The following RP1 variants were observed in gnomAD, a reference collection of about 807,000 sequenced individuals.
RP1 encodes oxygen-regulated protein 1.
A neutral mutation model predicts 14.8 loss-of-function variants in RP1; 16 were observed. The observed-to-expected ratio is 1.08, with a 90% CI of 0.73 to 1.65. The LOEUF is 1.65. Among genes scored for constraint, RP1 ranks in the 40% most tolerant of loss-of-function variants. The pLI is 0.00. For missense variants in RP1, 2,631 were observed against 2,535.0 expected, an observed-to-expected ratio of 1.04 and a Z score of -0.81; for synonymous variants, 876 against 883.6, an observed-to-expected ratio of 0.99 and a Z score of 0.15.
At chr8:54,698,814 C>T (rs992876283) in intron 12 of RP1, among the ~76,000 whole-genome samples, 38 of 152,168 alleles carry the variant, frequency 2.5e-4, no homozygotes, top group African/African-American at 8.9e-4. Flanking sequence ...CTCATGTTTT[C>T]ACTCATAAGT....
rs368434641 is a variant in RP1, at chr8:54,844,004, G to A, written c.3835+6335G>A. On this transcript the variant is annotated intron_variant, in intron 25 of 28. Coordinates refer to the RP1 transcript ENST00000637698. ...CCCATGTTGACTAACAATATTGTGT[G>A]CTCTGTGATAAGGCTGAGGGCATCA... Among the ~76,000 whole-genome samples, 6 of 152,346 alleles carry A rather than the reference G, an allele frequency of 3.9e-5. No homozygotes were observed. In the South Asian group the frequency reaches 8.3e-4, roughly 21 times the overall value.
intron 25 of RP1, among the ~76,000 whole-genome samples, chr8:54,845,751 C>A (rs1811903482): frequency 6.6e-6 from 1 of 152,196 alleles, no homozygotes; most frequent in Non-Finnish European, 1.5e-5. Context: ...ATTATCACTT[C>A]CTATTACTGA....
At chr8:54,801,150 G>T (rs1177293378) in intron 24 of RP1, among the ~76,000 whole-genome samples, 1 of 152,100 alleles carries the variant, frequency 6.6e-6, no homozygotes, top group Non-Finnish European at 1.5e-5. Flanking sequence ...AGTCTAATTT[G>T]CCAGAGAGTG....
intron 3 of RP1, among the ~76,000 whole-genome samples, chr8:54,647,503 G>A (rs1806573840): frequency 6.6e-6 from 1 of 151,938 alleles, no homozygotes; most frequent in South Asian, 2.1e-4. Flanking sequence ...CTAGCCTTTG[G>A]TTATTTATTT....
chr8:54,782,399 G>A (rs543865202), intron 23 of RP1, among the ~76,000 whole-genome samples: 1 of 152,142 alleles, frequency 6.6e-6, no homozygotes, highest in Non-Finnish European at 1.5e-5. Flanking sequence ...GTGGTGGGTG[G>A]GGAGTAGCAT....
chr8:54,602,227 C>T (rs1410459552), intron 1 of RP1, among the ~76,000 whole-genome samples: 1 of 152,170 alleles, frequency 6.6e-6, no homozygotes, highest in Non-Finnish European at 1.5e-5. Flanking sequence ...TGATGTTCCC[C>T]TTTCTGTGTC....
Position 54,656,182 on chromosome 8 carries a change from C to A in RP1, c.1138C>A (p.Pro380Thr), listed in dbSNP as rs751446958. 8 of 1,535,582 alleles carry A rather than the reference C, an allele frequency of 5.2e-6. No homozygotes were observed. In the South Asian group the frequency reaches 9.5e-5, roughly 18 times the overall value. The change falls in exon 6 of 23, where the codon CCT becomes ACT. Residue 380 changes from proline (P) to threonine (T), a missense_variant. Physicochemically the swap from Pro to Thr is conservative, Grantham distance 38. Transcript: ENST00000636932. ...GGATGGGGAAATCTGTCGAGAATTT[C>A]CTCTTTTAAGTAAAGGACAACCTGT...
intron 1 of RP1, among the ~76,000 whole-genome samples, chr8:54,587,425 C>CAAAA (rs568598595): frequency 1.1e-5 from 1 of 95,010 alleles, no homozygotes. Context: ...GACCCTGTCT[C>CAAAA]AAAAAAAAAA....
At position 54,626,854 on chromosome 8, in the gene RP1, A is replaced by G. The variant is rs202057087; in HGVS notation, c.2972A>G (p.Asp991Gly). The change falls in exon 4 of 4, where the codon GAT (aspartate) becomes GGT (glycine). Residue 991 changes from aspartate to glycine, a missense_variant. By Grantham distance (94) the Asp-to-Gly change is moderately conservative (BLOSUM62 -1). Coordinates refer to ENST00000220676, the MANE Select transcript of RP1 (RefSeq NM_006269.2). ...LTGDNLCKEG[D>G]KSFIANDTGE... ...GGAGATAATCTATGTAAAGAGGGAG[A>G]TAAGTCTTTTATTGCCAATGACACT... is the stretch of plus-strand genomic sequence containing the variant. 9.5e-5 allele frequency: 153 copies of G among 1,613,716 alleles called. No homozygotes were observed. The highest frequency in any genetic ancestry group is 1.2e-4 in the Non-Finnish European group (145 of 1,179,964).
At chr8:54,659,357 A>G (rs571322579) in intron 6 of RP1, among the ~76,000 whole-genome samples, 4 of 152,216 alleles carry the variant, frequency 2.6e-5, no homozygotes, top group East Asian at 3.9e-4. Context: ...ATGTATTTAG[A>G]TTTTTATGGT....
chr8:54,814,494 A>T (rs149541472), intron 24 of RP1, among the ~76,000 whole-genome samples: 1 of 152,332 alleles, frequency 6.6e-6, no homozygotes, highest in African/African-American at 2.4e-5. Flanking sequence ...AATCATTGGA[A>T]CATATAAAAT....
At position 54,630,066 on chromosome 8, in the gene RP1, T is replaced by C; in HGVS notation, c.6184T>C (p.Phe2062Leu). 1 of 1,613,986 alleles carries C rather than the reference T, an allele frequency of 6.2e-7. No individual in the cohort carries two copies. The highest frequency in any genetic ancestry group is 8.5e-7 in the Non-Finnish European group (1 of 1,179,940). Residue 2062 changes from phenylalanine to leucine, a missense_variant, in exon 4 of 4, where the codon TTT becomes CTT. Phe to Leu is a conservative substitution (Grantham distance 22, BLOSUM62 0). Coordinates refer to ENST00000220676, the MANE Select transcript of RP1 (RefSeq NM_006269.2). ...CCTCAGCGGTCAGACAAATGAAATCTTTAAAGCAGTCGATGAGAATAACAA... is the reference window on the plus strand; with the variant it reads ...CCTCAGCGGTCAGACAAATGAAATCCTTAAAGCAGTCGATGAGAATAACAA... ...QDLSGQTNEI[F>L]KAVDENNNLL... is the part of the protein sequence containing the mutation.
chr8:54,615,211 C>G (rs1182572899), upstream of RP1, among the ~76,000 whole-genome samples: 1 of 152,188 alleles, frequency 6.6e-6, no homozygotes, highest in African/African-American at 2.4e-5. Flanking sequence ...CCATTTCTCT[C>G]TCATAGGTGG....
intron 24 of RP1, among the ~76,000 whole-genome samples, chr8:54,827,073 T>A (rs1406484016): frequency 6.6e-6 from 1 of 152,138 alleles, no homozygotes; most frequent in Non-Finnish European, 1.5e-5. Context: ...GCACTTACCA[T>A]AAATGGAGCT....
chr8:54,865,742 A>C (rs765744652), intron 27 of RP1: 1 of 446,924 alleles, frequency 2.2e-6, no homozygotes, highest in Non-Finnish European at 3.7e-6. Flanking sequence ...TGTGTACTTA[A>C]AAAGGAACAT....
At chr8:54,801,269 C>A (rs910669050) in intron 24 of RP1, among the ~76,000 whole-genome samples, 14 of 152,310 alleles carry the variant, frequency 9.2e-5, no homozygotes, top group East Asian at 3.9e-4. Flanking sequence ...TTTTCCTCAA[C>A]ACGTGTTAAT....
upstream of RP1, among the ~76,000 whole-genome samples, chr8:54,612,961 C>T (rs1805631499): frequency 2.0e-5 from 3 of 152,170 alleles, no homozygotes; most frequent in South Asian, 6.2e-4. Context: ...CTCCATAGCA[C>T]TTTATAGGAT....
intron 1 of RP1, among the ~76,000 whole-genome samples, chr8:54,620,609 A>T (rs188901214): frequency 1.3e-3 from 197 of 152,314 alleles, no homozygotes; most frequent in African/African-American, 4.5e-3. Flanking sequence ...GTAATATGTC[A>T]TGATCATCTT....
At chr8:54,690,088 G>A (rs1231679940) in intron 12 of RP1, among the ~76,000 whole-genome samples, 1 of 151,824 alleles carries the variant, frequency 6.6e-6, no homozygotes, top group Non-Finnish European at 1.5e-5. Context: ...TTATTTTGCT[G>A]GTTGTTCTCT....
Sources: gnomAD v4.1 joint callset for allele counts (sites outside exome capture counted in the v4.1 genomes callset) on GRCh38, gnomAD v4.1.1 for gene constraint, MANE v1.5 for transcripts, NCBI Gene and HGNC (gene_info 2026-07-23, HGNC 2026-07-21) for gene names.